The following SRPX variants were observed in gnomAD, a reference collection of about 807,000 sequenced individuals.
The protein encoded by SRPX is sushi repeat containing protein X-linked.
In SRPX, 24 loss-of-function variants were observed where a neutral mutation model predicts 38.1. That is an observed-to-expected ratio of 0.63 (90% confidence interval 0.46 to 0.89). The LOEUF (loss-of-function observed/expected upper bound fraction) is 0.89. Among genes scored for constraint, SRPX ranks in the 40% least tolerant of loss-of-function variants. SRPX has a pLI of 0.00. For missense variants in SRPX, 416 were observed against 377.8 expected (o/e 1.10, Z -0.84); for synonymous variants, 184 against 153.8 (o/e 1.20, Z -1.45).
intron 5 of SRPX, among the ~76,000 whole-genome samples, chrX:38,161,708 GGT>G (rs1416347415): frequency 2.7e-5 from 3 of 111,778 alleles, no homozygotes; most frequent in Non-Finnish European, 5.6e-5. Flanking sequence ...AACCCTATAA[GGT>G]AGGTAGTATT....
At chrX:38,157,575 C>A (rs1938156909) in intron 7 of SRPX, among the ~76,000 whole-genome samples, 1 of 111,674 alleles carries the variant, frequency 9.0e-6, no homozygotes, top group Non-Finnish European at 1.9e-5. Context: ...ACATTGGGCC[C>A]ACTGGGTAAT....
intron 1 of SRPX, among the ~76,000 whole-genome samples, chrX:38,183,679 CTTTA>C (rs1001765450): frequency 9.0e-6 from 1 of 111,629 alleles, no homozygotes; most frequent in South Asian, 3.8e-4. Flanking sequence ...GTAAACTTTC[CTTTA>C]TTTATAAAAG....
chrX:38,191,681 T>G (rs923341886), intron 1 of SRPX, among the ~76,000 whole-genome samples: 7 of 112,026 alleles, frequency 6.2e-5, no homozygotes, highest in Non-Finnish European at 1.1e-4. Flanking sequence ...TCATTTTTCT[T>G]TTTTAGTGAT....
chrX:38,197,353 G>A (rs1196010538), intron 1 of SRPX, among the ~76,000 whole-genome samples: 2 of 112,271 alleles, frequency 1.8e-5, no homozygotes, highest in Admixed American at 9.4e-5. Context: ...AGAGGACAGA[G>A]GCTAAACCAA....
intron 4 of SRPX, 64 bp from the exon 5 acceptor site, chrX:38,164,959 C>T: frequency 2.8e-6 from 3 of 1,057,034 alleles, no homozygotes; most frequent in Non-Finnish European, 1.3e-6. Context: ...TGGGGTTCAA[C>T]ACCCACAGTT....
In SRPX at chrX:38,149,740, C is replaced by T; in HGVS notation, c.1366G>A (p.Ala456Thr). The part of the protein sequence containing the change: ...PLRKEEMVLQ[A>T]EMSQTCNT Reference sequence around the variant, plus strand: ...GTGTTACAGGTCTGGCTCATTTCGGCTTGTAGGACCATCTCTTCTTTTCTC... The same window carrying T: ...GTGTTACAGGTCTGGCTCATTTCGGTTTGTAGGACCATCTCTTCTTTTCTC... The change falls in exon 10 of 10, where the codon GCC becomes ACC. Residue 456 changes from alanine to threonine, a missense_variant. Transcript: ENST00000378533. The T allele has an allele frequency of 8.3e-7, 1 of 1,210,717 alleles. No individual in the cohort carries two copies. The highest frequency in any genetic ancestry group is 1.1e-6 in the Non-Finnish European group (1 of 895,126).
Position 38,160,109 on chromosome X carries a change from A to G in SRPX, c.863T>C (p.Phe288Ser), listed in dbSNP as rs747229995. 1.7e-6 allele frequency: 2 copies of G among 1,211,534 alleles called. No homozygotes were observed. Among genetic ancestry groups the G allele is most frequent in the Non-Finnish European group, 2.2e-6 (2 of 895,326 alleles). ...DGDNYGATCE[F>S]SCIGGYELQG... is the part of the protein sequence containing the mutation. ...GAGCTCATAGCCGCCGATGCAGGAG[A>G]ACTCACAGGTGGCTCCATAATTATC... The change falls in exon 7 of 10, where the codon TTC becomes TCC. Residue 288 changes from phenylalanine (F) to serine (S), a missense_variant. Phe to Ser is a radical substitution (Grantham distance 155). Coordinates refer to ENST00000378533, the MANE Select transcript of SRPX (RefSeq NM_006307.5).
intron 5 of SRPX, among the ~76,000 whole-genome samples, chrX:38,162,355 G>A (rs775854437): frequency 3.6e-5 from 4 of 111,701 alleles, no homozygotes; most frequent in Non-Finnish European, 7.5e-5. Flanking sequence ...GCCCTAGTGA[G>A]AGCGAAAAGG....
In SRPX at chrX:38,220,865, A is replaced by C; in HGVS notation, c.-73T>G. On this transcript the variant is annotated 5_prime_UTR_variant, in exon 1 of 10. Transcript: ENST00000378533. ...GGGCGGCAGGAGACCGAAGAGACCA[A>C]GGGACTGCGTGCTAGCGGGCGGGCG... 1 of 1,049,989 alleles carries C rather than the reference A, an allele frequency of 9.5e-7. No individual in the cohort carries two copies. The highest frequency in any genetic ancestry group is 1.2e-6 in the Non-Finnish European group (1 of 824,257). The allele number at this position is 1,049,989 out of a possible 1,213,427, so 86.5% of individuals were successfully genotyped here. A position where few individuals can be genotyped will look rare whatever the true frequency, so the allele number is the denominator to read the frequency against.
chrX:38,151,974 G>C (rs998903064), intron 9 of SRPX, among the ~76,000 whole-genome samples: 1 of 110,953 alleles, frequency 9.0e-6, no homozygotes, highest in Non-Finnish European at 1.9e-5. Flanking sequence ...GAAGGTAGGC[G>C]GTGACCCTGC....
intron 7 of SRPX, among the ~76,000 whole-genome samples, chrX:38,158,905 G>A (rs1419008827): frequency 1.3e-4 from 14 of 110,594 alleles, no homozygotes; most frequent in Admixed American, 1.2e-3. Flanking sequence ...ACTGGAACCC[G>A]GGAGGCAGAG....
intron 1 of SRPX, among the ~76,000 whole-genome samples, chrX:38,179,848 G>A (rs748194565): frequency 9.8e-5 from 11 of 111,922 alleles, no homozygotes; most frequent in African/African-American, 3.6e-4. Flanking sequence ...GCTCATGCCT[G>A]TAATCTCAGA....
At chrX:38,194,122 A>G (rs931629040) in intron 1 of SRPX, among the ~76,000 whole-genome samples, 10 of 111,278 alleles carry the variant, frequency 9.0e-5, no homozygotes, top group Non-Finnish European at 1.9e-4. Flanking sequence ...CACCTCCTAC[A>G]TAAAGCTGAT....
chrX:38,159,061 C>A (rs902163691), intron 7 of SRPX, among the ~76,000 whole-genome samples: 1 of 111,622 alleles, frequency 9.0e-6, no homozygotes, highest in Non-Finnish European at 1.9e-5. Context: ...CCAATATATC[C>A]AAAATATTTC....
At chrX:38,220,569 A>T in intron 1 of SRPX, 127 bp downstream of exon 1, 1 of 1,021,202 alleles carries the variant, frequency 9.8e-7, no homozygotes, top group Non-Finnish European at 1.3e-6. Context: ...TCGGGCTGCG[A>T]AAGAGGAGTT....
At chrX:38,159,152 T>C (rs990619070) in intron 7 of SRPX, among the ~76,000 whole-genome samples, 2 of 112,189 alleles carry the variant, frequency 1.8e-5, no homozygotes, top group Admixed American at 1.9e-4. Context: ...GGTATATATT[T>C]TACACTTATA....
At chrX:38,159,110 T>C (rs1274977967) in intron 7 of SRPX, among the ~76,000 whole-genome samples, 2 of 112,503 alleles carry the variant, frequency 1.8e-5, no homozygotes, top group Non-Finnish European at 3.7e-5. Context: ...TAAGATACTT[T>C]ATATTCTTTT....
At chrX:38,162,821 A>G (rs1476431779) in intron 5 of SRPX, among the ~76,000 whole-genome samples, 1 of 112,668 alleles carries the variant, frequency 8.9e-6, no homozygotes, top group Non-Finnish European at 1.9e-5. Flanking sequence ...CTCAAAAAAT[A>G]AAAAAATCAA....
Position 38,156,915 on chromosome X carries a change from A to C in SRPX, c.1070T>G (p.Leu357Arg), listed in dbSNP as rs764825940. 1 of 1,210,848 alleles carries C rather than the reference A, an allele frequency of 8.3e-7. No individual in the cohort carries two copies. Among genetic ancestry groups the C allele is most frequent in the Non-Finnish European group, 1.1e-6 (1 of 895,194 alleles). Residue 357 changes from leucine (L) to arginine (R), a missense_variant, in exon 8 of 10, where the codon CTC becomes CGC. By Grantham distance (102) the Leu-to-Arg change is moderately radical. Transcript: ENST00000378533. The part of the protein sequence containing the change: ...TPTARNLLYR[L>R]QLGMLQQAQC... ...ACTCACCTGCAGCATTCCTAGCTGG[A>C]GCCGGTAAAGGAGGTTTCGGGCTGT...
Sources: gnomAD v4.1 joint callset for allele counts (sites outside exome capture counted in the v4.1 genomes callset) on GRCh38, gnomAD v4.1.1 for gene constraint, MANE v1.5 for transcripts, NCBI Gene and HGNC (gene_info 2026-07-23, HGNC 2026-07-21) for gene names.